Variants in BRF1 observed in about 807,000 individuals in gnomAD.
BRF1 encodes the protein transcription factor IIIB 90 kDa subunit.
In BRF1, 59 loss-of-function variants were observed where a neutral mutation model predicts 81.7. The observed-to-expected ratio is 0.72, with a 90% CI of 0.59 to 0.90. The LOEUF (loss-of-function observed/expected upper bound fraction) is 0.90. Among genes scored for constraint, BRF1 ranks in the 40% least tolerant of loss-of-function variants. BRF1 has a pLI of 0.00. For synonymous variants in BRF1, 491 were observed against 395.6 expected (o/e 1.24, Z -2.86); for missense variants, 1,050 against 936.3 (o/e 1.12, Z -1.58).
chr14:105,229,321 C>A (rs587665930), intron 6 of BRF1, among the ~76,000 whole-genome samples: 2 of 152,186 alleles, frequency 1.3e-5, no homozygotes, highest in African/African-American at 4.8e-5. Context: ...TTCACCAAGG[C>A]CACAGTGGGC....
chr14:105,283,434 C>T (rs1329520944), intron 2 of BRF1, among the ~76,000 whole-genome samples: 2 of 152,172 alleles, frequency 1.3e-5, no homozygotes, highest in Non-Finnish European at 2.9e-5. Context: ...CAGAACCACC[C>T]ATCCCCAGTA....
intron 10 of BRF1, 82 bp from the exon 11 acceptor site, chr14:105,221,996 G>A: frequency 6.8e-7 from 1 of 1,476,158 alleles, no homozygotes; most frequent in South Asian, 1.3e-5. Context: ...CTACCAAGCT[G>A]CCAGGTAACC....
intron 1 of BRF1, among the ~76,000 whole-genome samples, chr14:105,289,933 G>A (rs146101068): frequency 0.014 from 2,154 of 151,914 alleles, 58 homozygotes; most frequent in African/African-American, 0.05. Context: ...ACCACGCCCC[G>A]CCTGTTTTTT....
intron 1 of BRF1, among the ~76,000 whole-genome samples, chr14:105,293,731 C>T (rs587668275): frequency 1.4e-3 from 208 of 152,316 alleles, no homozygotes; most frequent in African/African-American, 4.8e-3. Context: ...AGTCTCTGCT[C>T]GGGTGCCCCG....
chr14:105,294,736 C>T (rs147002951), intron 1 of BRF1, among the ~76,000 whole-genome samples: 66 of 152,280 alleles, frequency 4.3e-4, no homozygotes, highest in African/African-American at 1.4e-3. Context: ...CACAAAACAC[C>T]AACATCTGAA....
rs1445599317 is a variant in BRF1 at position 105,284,470 on chromosome 14, C to T, written c.265+1826G>A. On this transcript the variant is annotated intron_variant, in intron 2 of 17. Transcript: ENST00000547530. This position sits in a 1 kb window ranked among gnomAD's most constrained non-coding sequence, Gnocchi z 4.0. Reference sequence around the variant, plus strand: ...CAGAGGCAGGTGCTCAAGAGCCCGGCCTCCTGGAGATGGCCCAGGAGAAAA... The same window carrying T: ...CAGAGGCAGGTGCTCAAGAGCCCGGTCTCCTGGAGATGGCCCAGGAGAAAA... Among the ~76,000 whole-genome samples, 6 of 152,174 alleles carry T rather than the reference C, an allele frequency of 3.9e-5. No homozygotes were observed. The highest frequency in any genetic ancestry group is 5.9e-5 in the Non-Finnish European group (4 of 68,034).
chr14:105,225,711 G>A (rs587761990), intron 10 of BRF1, among the ~76,000 whole-genome samples: 4 of 151,810 alleles, frequency 2.6e-5, no homozygotes, highest in Admixed American at 6.6e-5. Context: ...GCCGTGGTGC[G>A]ATCTTGGCTC....
rs917682786 is a variant in BRF1, at chr14:105,252,574, A to G, written c.477T>C (p.Asn159=). Residue 159 remains asparagine (N), a synonymous_variant, in exon 5 of 18, where the codon AAT becomes AAC. Transcript: ENST00000547530. ...LLDLSDLLQV[N]VYVLGKTFLL... The stretch of plus-strand genomic sequence containing the variant: ...GAAACGTCTTTCCAAGCACGTACAC[A>G]TTCACCTGAGATGGAGAGATCACAA... 8.1e-6 allele frequency: 13 copies of G among 1,613,270 alleles called. No individual in the cohort carries two copies. Among genetic ancestry groups the G allele is most frequent in the East Asian group, 2.2e-5 (1 of 44,890 alleles).
chr14:105,219,376 G>C, intron 12 of BRF1, 144 bp from the exon 13 acceptor site: 1 of 1,474,462 alleles, frequency 6.8e-7, no homozygotes, highest in Non-Finnish European at 9.0e-7. Context: ...AGCCTGGGCT[G>C]AGGCCTCATC....
intron 6 of BRF1, among the ~76,000 whole-genome samples, chr14:105,229,537 A>G (rs1007882025): frequency 2.0e-5 from 3 of 152,190 alleles, no homozygotes; most frequent in Non-Finnish European, 4.4e-5. Context: ...TGACCAGGCC[A>G]CGGCCACATC....
chr14:105,251,104 A>T (rs1343262853), intron 5 of BRF1: 1 of 202,740 alleles, frequency 4.9e-6, no homozygotes, highest in Non-Finnish European at 1.1e-5. Flanking sequence ...CCCACGTGTC[A>T]GTAAATGACT....
chr14:105,209,950 C>G lies in BRF1; in HGVS notation c.*601G>C, dbSNP rs115807156. ...GAGGCAGGGGTGGGGGTGTCTGCCT[C>G]GGACGAGGCAGGTATCTGGATGCAG... On this transcript the variant is annotated 3_prime_UTR_variant, in exon 18 of 18. Coordinates refer to ENST00000547530, the MANE Select transcript of BRF1 (RefSeq NM_001519.4). 7 of 332,440 alleles carry G rather than the reference C, an allele frequency of 2.1e-5. No individual in the cohort carries two copies. The highest frequency in any genetic ancestry group is 3.3e-5 in the Non-Finnish European group (6 of 183,408). 20.6% of individuals were successfully genotyped at this position (332,440 alleles called of 1,614,324 possible).
intron 5 of BRF1, chr14:105,248,320 A>G: frequency 1.0e-6 from 1 of 985,388 alleles, no homozygotes; most frequent in Non-Finnish European, 1.2e-6. Context: ...TAACCAAAAG[A>G]TCGCTAACTG....
At chr14:105,293,651 C>G (rs2057613863) in intron 1 of BRF1, among the ~76,000 whole-genome samples, 1 of 152,206 alleles carries the variant, frequency 6.6e-6, no homozygotes. Context: ...CAACGGCCCC[C>G]AACTCCACCG....
intron 7 of BRF1, chr14:105,228,335 G>A (rs2054158189): frequency 6.5e-6 from 1 of 153,098 alleles, no homozygotes; most frequent in Admixed American, 6.5e-5. Context: ...GGCAGATCAC[G>A]AGGTCAGGAG....
intron 5 of BRF1, chr14:105,249,661 C>A (rs1482322546): frequency 6.2e-7 from 1 of 1,612,368 alleles, no homozygotes; most frequent in East Asian, 2.2e-5. Flanking sequence ...GTGATGAGAT[C>A]GATCTGGAAG....
chr14:105,210,558 C>CCGT lies in BRF1; in HGVS notation c.2024_2026dup (p.Asp675dup). The CCGT allele has an allele frequency of 6.2e-7, 1 of 1,611,394 alleles. No individual in the cohort carries two copies. Among genetic ancestry groups the CCGT allele is most frequent in the Non-Finnish European group, 8.5e-7 (1 of 1,179,892 alleles). On this transcript the variant is annotated inframe_insertion, in exon 18 of 18. Transcript: ENST00000547530. The surrounding 1 kb of genome is among the most constrained non-coding windows in gnomAD (Gnocchi z 4.7). Reference sequence around the variant, plus strand: ...CTGCCTGGAGGCCACACTTCAGTAGCCGTCGTCCTCATCGCCATCACAGCC... The same window carrying CCGT: ...CTGCCTGGAGGCCACACTTCAGTAGCCGTCGTCGTCCTCATCGCCATCACAGCC...
chr14:105,217,811 A>C lies in BRF1; in HGVS notation c.1516-11T>G, dbSNP rs763412926. The C allele has an allele frequency of 6.2e-7, 1 of 1,607,776 alleles. No individual in the cohort carries two copies. On this transcript the variant is annotated splice_polypyrimidine_tract_variant and intron_variant, in intron 14 of 17. Transcript: ENST00000547530. Reference sequence around the variant, plus strand: ...GCAAGACTTCTTGGGCTTGAGGGAAACAAGCAAGAATGCCTCCCGTGAGTC... The same window carrying C: ...GCAAGACTTCTTGGGCTTGAGGGAACCAAGCAAGAATGCCTCCCGTGAGTC...
intron 7 of BRF1, chr14:105,227,802 A>C (rs993531295): frequency 6.6e-6 from 1 of 152,268 alleles, no homozygotes; most frequent in African/African-American, 2.4e-5. Context: ...TTTTTACAGA[A>C]TCAATGGTCA....
Sources: gnomAD v4.1 joint callset for allele counts (sites outside exome capture counted in the v4.1 genomes callset) on GRCh38, gnomAD v4.1.1 for gene constraint, Gnocchi (gnomAD v3.1) non-coding constraint, MANE v1.5 for transcripts, NCBI Gene and HGNC (gene_info 2026-07-23, HGNC 2026-07-21) for gene names.